The following GARS1 variants were observed in gnomAD, a reference collection of about 807,000 sequenced individuals.
The protein encoded by GARS1 is glycine--tRNA ligase.
Under a neutral mutation model 86.4 loss-of-function variants are expected in GARS1, and 46 were observed. The observed-to-expected ratio is 0.53, with a 90% CI of 0.42 to 0.68. The LOEUF is 0.68. Among genes scored for constraint, GARS1 ranks in the 30% least tolerant of loss-of-function variants. The pLI is 0.00. For synonymous variants in GARS1, 342 were observed against 329.8 expected (o/e 1.04, Z -0.40); for missense variants, 797 against 915.6 (o/e 0.87, Z 1.67).
chr7:30,629,738 G>A (rs1329043092), intron 14 of GARS1, among the ~76,000 whole-genome samples: 1 of 152,198 alleles, frequency 6.6e-6, no homozygotes, highest in African/African-American at 2.4e-5. Context: ...TCCCAACCTT[G>A]AAGGAGCAGC....
At chr7:30,602,072 T>C (rs1343585233) in intron 4 of GARS1, among the ~76,000 whole-genome samples, 5 of 150,142 alleles carry the variant, frequency 3.3e-5, no homozygotes, top group Non-Finnish European at 5.9e-5. Context: ...AATGTGAAAC[T>C]GAAAGGAATT....
chr7:30,626,976 G>A (rs1436921860), intron 13 of GARS1: 10 of 407,810 alleles, frequency 2.5e-5, no homozygotes, highest in Non-Finnish European at 3.9e-5. Flanking sequence ...GCAAGACTCC[G>A]TCTCAAAAAA....
intron 10 of GARS1, among the ~76,000 whole-genome samples, chr7:30,617,938 CTT>C (rs1472104684): frequency 1.3e-5 from 2 of 152,126 alleles, no homozygotes; most frequent in Admixed American, 6.5e-5. Context: ...GGCTGAGAGT[CTT>C]TTGGCATTTC....
upstream of GARS1, chr7:30,594,745 T>A (rs78980639): frequency 3.3e-6 from 2 of 603,944 alleles, no homozygotes; most frequent in Non-Finnish European, 5.8e-6. Flanking sequence ...TTCGGCGGGG[T>A]CCTTCCGGGT....
chr7:30,630,005 T>C (rs1014370520), intron 14 of GARS1, among the ~76,000 whole-genome samples: 2 of 152,214 alleles, frequency 1.3e-5, no homozygotes, highest in South Asian at 2.1e-4. Flanking sequence ...AAGAATAAAT[T>C]AGTCACAGTG....
chr7:30,618,619 G>A (rs565434784), intron 10 of GARS1, among the ~76,000 whole-genome samples: 180 of 152,318 alleles, frequency 1.2e-3, no homozygotes, highest in Non-Finnish European at 1.5e-3. Context: ...GGGTGACAGA[G>A]TGAGGCCCTG....
At chr7:30,618,716 C>A (rs1379142958) in intron 10 of GARS1, among the ~76,000 whole-genome samples, 1 of 152,172 alleles carries the variant, frequency 6.6e-6, no homozygotes, top group African/African-American at 2.4e-5. Context: ...TCTACGTGTT[C>A]TAACACATGC....
Position 30,633,908 on chromosome 7 carries a change from A to G in GARS1, c.*48A>G. Reference sequence around the variant, plus strand: ...CCACTTGCGCTAATAAAAAAAAAAAAAAACTACTCTTATGTCCACTTTACA... The same window carrying G: ...CCACTTGCGCTAATAAAAAAAAAAAGAAACTACTCTTATGTCCACTTTACA... On this transcript the variant is annotated 3_prime_UTR_variant, in exon 17 of 17. Coordinates refer to ENST00000389266, the MANE Select transcript of GARS1 (RefSeq NM_002047.4). The G allele has an allele frequency of 1.3e-6, 2 of 1,598,734 alleles. No homozygotes were observed. Among genetic ancestry groups the G allele is most frequent in the Non-Finnish European group, 1.7e-6 (2 of 1,171,446 alleles).
At chr7:30,608,698 G>A (rs1313168823) in intron 6 of GARS1, among the ~76,000 whole-genome samples, 1 of 152,186 alleles carries the variant, frequency 6.6e-6, no homozygotes, top group Admixed American at 6.5e-5. Flanking sequence ...GGTCCTGCCT[G>A]TGCTAAATAC....
chr7:30,624,642 AACT>A (rs1783090555), intron 12 of GARS1, among the ~76,000 whole-genome samples: 1 of 152,226 alleles, frequency 6.6e-6, no homozygotes, highest in East Asian at 1.9e-4. Flanking sequence ...AAAGGGGTGT[AACT>A]AATAAACCAA....
Position 30,632,648 on chromosome 7 carries a change from A to C in GARS1, c.2094+211A>C, listed in dbSNP as rs749927052. Among the ~76,000 whole-genome samples, 1 of 152,100 alleles carries C rather than the reference A, an allele frequency of 6.6e-6. No individual in the cohort carries two copies. Among genetic ancestry groups the C allele is most frequent in the Non-Finnish European group, 1.5e-5 (1 of 68,040 alleles). ...AGCACTTCTCTAATATTTTATAAAC[A>C]TTTGTGTTGCTCCAGGCTTATTCTC... is the stretch of plus-strand genomic sequence containing the variant. On this transcript the variant is annotated intron_variant, in intron 16 of 16. Coordinates refer to ENST00000389266, the MANE Select transcript of GARS1 (RefSeq NM_002047.4). This position sits in a 1 kb window ranked among gnomAD's most constrained non-coding sequence, Gnocchi z 4.1.
Position 30,622,410 on chromosome 7 carries a change from AT to A in GARS1, c.1564del (p.Cys522ValfsTer13). The A allele has an allele frequency of 3.1e-6, 5 of 1,614,160 alleles. No homozygotes were observed. The highest frequency in any genetic ancestry group is 4.2e-6 in the Non-Finnish European group (5 of 1,180,026). On this transcript the variant is annotated frameshift_variant, in exon 12 of 17. Transcript: ENST00000389266. LOFTEE classifies it high-confidence loss of function. ...DAKLVMEYLAICDECYITEME... is the reference protein window; with the variant it reads ...DAKLVMEYLAXCDECYITEME... The stretch of plus-strand genomic sequence containing the variant: ...AAAACTGGTGATGGAGTATCTTGCC[AT>A]TTGTGATGAGTGCTACATTACAGAA...
chr7:30,605,818 GT>G (rs1306796459), intron 6 of GARS1, among the ~76,000 whole-genome samples: 4 of 152,142 alleles, frequency 2.6e-5, no homozygotes, highest in African/African-American at 9.7e-5. Context: ...CTTGGGAAAT[GT>G]TAATAATTTA....
rs571576099 is a variant in GARS1, at chr7:30,608,007, A to G, written c.736-1578A>G. Among the ~76,000 whole-genome samples, 3 of 152,310 alleles carry G rather than the reference A, an allele frequency of 2.0e-5. No homozygotes were observed. In the East Asian group the frequency reaches 5.8e-4, roughly 29 times the overall value. ...ATTTCAGAGATTGGTCCCTCATAGTATATAGAGATTGCCTCCTTCCATTTT... is the reference window on the plus strand; with the variant it reads ...ATTTCAGAGATTGGTCCCTCATAGTGTATAGAGATTGCCTCCTTCCATTTT... On this transcript the variant is annotated intron_variant, in intron 6 of 16. Transcript: ENST00000389266.
At chr7:30,615,764 TTTAG>T in intron 8 of GARS1, 128 bp from the exon 9 acceptor site, 1 of 985,670 alleles carries the variant, frequency 1.0e-6, no homozygotes, top group South Asian at 2.0e-5. Flanking sequence ...CAACTTTCTG[TTTAG>T]TGAAAAAGAC....
intron 10 of GARS1, among the ~76,000 whole-genome samples, chr7:30,620,912 G>A (rs903730944): frequency 3.3e-5 from 5 of 152,170 alleles, no homozygotes; most frequent in African/African-American, 1.2e-4. Context: ...AAATTTACAG[G>A]CTTTGTCTAG....
intron 6 of GARS1, among the ~76,000 whole-genome samples, chr7:30,604,034 C>G (rs745341293): frequency 1.1e-4 from 17 of 152,050 alleles, no homozygotes; most frequent in Non-Finnish European, 2.1e-4. Flanking sequence ...TCTCAGTTTG[C>G]CTATAGGCCT....
intron 9 of GARS1, 128 bp downstream of exon 9, chr7:30,616,186 G>A: frequency 1.0e-6 from 1 of 954,240 alleles, no homozygotes; most frequent in Admixed American, 2.1e-5. Context: ...ACAGTACTTG[G>A]TTTTGTACAG....
intron 7 of GARS1, 24 bp downstream of exon 7, chr7:30,609,754 T>C: frequency 6.2e-7 from 1 of 1,611,226 alleles, no homozygotes; most frequent in South Asian, 1.1e-5. Flanking sequence ...ATTGTTTACC[T>C]GTTTATGTAA....
Sources: gnomAD v4.1 joint callset for allele counts (sites outside exome capture counted in the v4.1 genomes callset) on GRCh38, gnomAD v4.1.1 for gene constraint, Gnocchi (gnomAD v3.1) non-coding constraint, MANE v1.5 for transcripts, NCBI Gene and HGNC (gene_info 2026-07-23, HGNC 2026-07-21) for gene names.